The following GNAQ variants were observed in gnomAD, a reference collection of about 807,000 sequenced individuals.
GNAQ encodes G protein subunit alpha q.
In GNAQ, 8 loss-of-function variants were observed where a neutral mutation model predicts 43.9. The observed-to-expected ratio is 0.18, with a 90% CI of 0.11 to 0.33. The LOEUF is 0.33. Among genes scored for constraint, GNAQ ranks in the 10% least tolerant of loss-of-function variants. The pLI is 1.00. For synonymous variants in GNAQ, 155 were observed against 170.7 expected (o/e 0.91, Z 0.71); for missense variants, 158 against 450.8 (o/e 0.35, Z 5.88).
chr9:77,991,247 C>G (rs777197736), intron 1 of GNAQ, among the ~76,000 whole-genome samples: 1 of 152,194 alleles, frequency 6.6e-6, no homozygotes, highest in South Asian at 2.1e-4. Flanking sequence ...GTGGTAACAT[C>G]GAACTAAACT....
intron 1 of GNAQ, among the ~76,000 whole-genome samples, chr9:77,968,112 A>T (rs1823192315): frequency 6.6e-6 from 1 of 152,258 alleles, no homozygotes; most frequent in Admixed American, 6.5e-5. Flanking sequence ...AATTGTATAC[A>T]TTATAATCAC....
intron 2 of GNAQ, among the ~76,000 whole-genome samples, chr9:77,882,775 T>G (rs1828235772): frequency 6.6e-6 from 1 of 152,242 alleles, no homozygotes; most frequent in East Asian, 1.9e-4. Context: ...GGGATTTTTT[T>G]TTTCGTTTTC....
intron 2 of GNAQ, among the ~76,000 whole-genome samples, chr9:77,855,250 G>C (rs767366079): frequency 8.6e-5 from 13 of 151,964 alleles, no homozygotes; most frequent in Non-Finnish European, 1.5e-4. Flanking sequence ...GAAAAATTAG[G>C]ATAAAGAAAG....
chr9:78,020,746 C>T (rs1823898905), intron 1 of GNAQ, among the ~76,000 whole-genome samples: 1 of 152,168 alleles, frequency 6.6e-6, no homozygotes, highest in Non-Finnish European at 1.5e-5. Flanking sequence ...ACCCTCTGCC[C>T]TTCCAAGCCC....
At chr9:78,020,205 C>A (rs926500655) in intron 1 of GNAQ, among the ~76,000 whole-genome samples, 1 of 152,052 alleles carries the variant, frequency 6.6e-6, no homozygotes, top group African/African-American at 2.4e-5. Flanking sequence ...AGATGCAAGC[C>A]AAGCAAAAGC....
rs185676922 is a variant in GNAQ, at chr9:77,796,331, C to G, written c.605+1189G>C. On this transcript the variant is annotated intron_variant, in intron 4 of 6. Transcript: ENST00000286548. ...ATCAGAATCACTTGGCAGAGTGACACAGGAGATAATAACTTCTGCTTCATA... is the reference window on the plus strand; with the variant it reads ...ATCAGAATCACTTGGCAGAGTGACAGAGGAGATAATAACTTCTGCTTCATA... Among the ~76,000 whole-genome samples the G allele has an allele frequency of 2.6e-5, 4 of 152,244 alleles. No homozygotes were observed. In the East Asian group the frequency reaches 7.7e-4, roughly 29 times the overall value.
At chr9:77,874,198 A>AACT (rs1197250814) in intron 2 of GNAQ, among the ~76,000 whole-genome samples, 1 of 152,176 alleles carries the variant, frequency 6.6e-6, no homozygotes, top group Non-Finnish European at 1.5e-5. Flanking sequence ...ATAAGTACAG[A>AACT]ACACAGGTAG....
At chr9:77,761,335 C>G (rs2118333528) in intron 5 of GNAQ, among the ~76,000 whole-genome samples, 1 of 137,674 alleles carries the variant, frequency 7.3e-6, no homozygotes, top group Non-Finnish European at 1.6e-5. Context: ...GGGGTCAGCC[C>G]CCCGCCCGGC....
intron 2 of GNAQ, among the ~76,000 whole-genome samples, chr9:77,894,740 G>C (rs1443813874): frequency 6.6e-6 from 1 of 151,476 alleles, no homozygotes; most frequent in Non-Finnish European, 1.5e-5. Context: ...TGTTTTTTAA[G>C]GGATTTGCTT....
At chr9:77,933,077 C>CA in intron 1 of GNAQ, among the ~76,000 whole-genome samples, 1 of 152,150 alleles carries the variant, frequency 6.6e-6, no homozygotes. Context: ...GTATTCATCC[C>CA]AATGAAAAGC....
At chr9:77,984,732 G>C (rs186968053) in intron 1 of GNAQ, among the ~76,000 whole-genome samples, 1 of 152,064 alleles carries the variant, frequency 6.6e-6, no homozygotes, top group Non-Finnish European at 1.5e-5. Flanking sequence ...GTGCTCTAAC[G>C]CAGGGGTTCA....
intron 2 of GNAQ, among the ~76,000 whole-genome samples, chr9:77,836,363 A>G (rs1827384739): frequency 6.6e-6 from 1 of 152,236 alleles, no homozygotes; most frequent in Non-Finnish European, 1.5e-5. Context: ...TTTCCTTAGC[A>G]GTGAACTTTC....
chr9:77,845,608 T>C (rs1270828369), intron 2 of GNAQ, among the ~76,000 whole-genome samples: 2 of 152,234 alleles, frequency 1.3e-5, no homozygotes, highest in South Asian at 2.1e-4. Context: ...AAGTTCACTA[T>C]AAGGCTTGTA....
intron 1 of GNAQ, among the ~76,000 whole-genome samples, chr9:77,998,179 C>T (rs1202969017): frequency 2.0e-5 from 3 of 152,192 alleles, no homozygotes; most frequent in Non-Finnish European, 2.9e-5. Flanking sequence ...TGTTGAAGTC[C>T]GCCTCAGGCA....
chr9:77,825,648 T>C (rs1827182241), intron 2 of GNAQ, among the ~76,000 whole-genome samples: 1 of 152,088 alleles, frequency 6.6e-6, no homozygotes, highest in Admixed American at 6.5e-5. Flanking sequence ...CTCAACCAAG[T>C]GTAAAGTGAG....
intron 2 of GNAQ, among the ~76,000 whole-genome samples, chr9:77,817,442 G>A (rs1023610972): frequency 1.4e-5 from 2 of 145,328 alleles, no homozygotes; most frequent in African/African-American, 5.0e-5. Flanking sequence ...GGGAGGGAGG[G>A]AGGGAGGAAC....
At chr9:77,728,735 GTTTAT>G (rs1207426728) in intron 5 of GNAQ, 68 bp from the exon 6 acceptor site, 4 of 1,139,214 alleles carry the variant, frequency 3.5e-6, no homozygotes, top group African/African-American at 3.1e-5. Flanking sequence ...TGTGAATTGT[GTTTAT>G]TTTATAAGTC....
chr9:77,855,960 G>C (rs181181779), intron 2 of GNAQ, among the ~76,000 whole-genome samples: 58 of 152,218 alleles, frequency 3.8e-4, no homozygotes, highest in Non-Finnish European at 6.9e-4. Flanking sequence ...AAACCTTCTA[G>C]TCAAGAGAAT....
intron 1 of GNAQ, among the ~76,000 whole-genome samples, chr9:77,947,343 C>A (rs2118363729): frequency 6.6e-6 from 1 of 152,260 alleles, no homozygotes. Flanking sequence ...GTGGGGAGGG[C>A]CCCAACTTAA....
Sources: allele counts gnomAD v4.1 joint callset (sites outside exome capture counted in the v4.1 genomes callset), GRCh38; gene constraint gnomAD v4.1.1; transcripts MANE v1.5; gene names NCBI Gene and HGNC (gene_info 2026-07-23, HGNC 2026-07-21).